ANKRD45: variants seen among roughly 807,000 people sequenced by gnomAD.
ANKRD45 encodes the protein ankyrin repeat domain 45, also known as ankyrin repeat domain-containing protein 45.
ANKRD45 carries 21 observed loss-of-function variants against 28.1 expected under a neutral mutation model. The observed-to-expected ratio is 0.75, with a 90% CI of 0.53 to 1.08. The LOEUF is 1.08. ANKRD45 is among the 50% of genes least tolerant of loss of function. The pLI, the probability that ANKRD45 is intolerant of heterozygous loss-of-function variation, is 0.00. For missense variants in ANKRD45, 261 were observed against 308.7 expected (o/e 0.85, Z 1.16); for synonymous variants, 86 against 103.9 (o/e 0.83, Z 1.05).
chr1:173,636,305 G>A (rs1048546180), intron 3 of ANKRD45, among the ~76,000 whole-genome samples: 19 of 152,076 alleles, frequency 1.2e-4, no homozygotes, highest in Non-Finnish European at 2.1e-4. Context: ...GCTAATATTA[G>A]AACAACTTTC....
chr1:173,691,288 C>G, the ANKRD45 span, among the ~76,000 whole-genome samples: 4,868 of 152,232 alleles, frequency 0.032, 116 homozygotes, highest in Non-Finnish European at 0.045. Context: ...ATTCCTCGCA[C>G]TGGGTGGGTC....
At chr1:173,680,155 GA>G in the ANKRD45 span, among the ~76,000 whole-genome samples, 13 of 152,200 alleles carry the variant, frequency 8.5e-5, no homozygotes, top group Non-Finnish European at 1.0e-4. Flanking sequence ...TCTAGAACTA[GA>G]AATGTCATTT....
At chr1:173,625,612 A>C (rs1667899350) in intron 4 of ANKRD45, among the ~76,000 whole-genome samples, 1 of 152,216 alleles carries the variant, frequency 6.6e-6, no homozygotes, top group African/African-American at 2.4e-5. Flanking sequence ...ATACTGTTAA[A>C]TAATAAGCAG....
At chr1:173,687,902 G>A in the ANKRD45 span, among the ~76,000 whole-genome samples, 1 of 152,018 alleles carries the variant, frequency 6.6e-6, no homozygotes, top group Non-Finnish European at 1.5e-5. Flanking sequence ...AGGTCTGGTC[G>A]GACCTTTGTG....
upstream of ANKRD45, among the ~76,000 whole-genome samples, chr1:173,674,408 A>G (rs6690869): frequency 0.17 from 25,823 of 151,840 alleles, 7,330 homozygotes; most frequent in African/African-American, 0.59. Context: ...TGAGACAGGT[A>G]TCAGTTGATT....
At chr1:173,702,947 A>C in the ANKRD45 span, among the ~76,000 whole-genome samples, 11 of 151,874 alleles carry the variant, frequency 7.2e-5, no homozygotes, top group Non-Finnish European at 1.3e-4. Context: ...GCTTGTCTGG[A>C]ATTCCTGGCC....
At chr1:173,626,580 T>C (rs1255697043) in intron 4 of ANKRD45, among the ~76,000 whole-genome samples, 4 of 152,156 alleles carry the variant, frequency 2.6e-5, no homozygotes, top group South Asian at 2.1e-4. Context: ...ACCAGAACAC[T>C]ACCAGTACTA....
chr1:173,704,194 T>C, the ANKRD45 span, among the ~76,000 whole-genome samples: 5 of 152,232 alleles, frequency 3.3e-5, no homozygotes, highest in East Asian at 9.7e-4. Context: ...TCAGGGAAAT[T>C]TGGGAATTAA....
the ANKRD45 span, among the ~76,000 whole-genome samples, chr1:173,700,381 A>G: frequency 2.6e-5 from 4 of 152,244 alleles, no homozygotes; most frequent in African/African-American, 7.2e-5. Flanking sequence ...CTAAGCCAAA[A>G]GAACAAAGCT....
upstream of ANKRD45, among the ~76,000 whole-genome samples, chr1:173,674,800 T>G (rs1384044821): frequency 6.6e-6 from 1 of 152,198 alleles, no homozygotes; most frequent in Non-Finnish European, 1.5e-5. Context: ...CCAGCTTGAC[T>G]TTTCCCTTTA....
the ANKRD45 span, among the ~76,000 whole-genome samples, chr1:173,707,355 C>G: frequency 3.3e-5 from 5 of 149,798 alleles, no homozygotes; most frequent in South Asian, 8.4e-4. Flanking sequence ...TTTTTTTAGA[C>G]AAAGCCTTGC....
chr1:173,689,148 T>A, the ANKRD45 span, among the ~76,000 whole-genome samples: 23 of 152,176 alleles, frequency 1.5e-4, no homozygotes, highest in Admixed American at 1.4e-3. Context: ...CTTTCTTAGT[T>A]CAGGACATCC....
At position 173,610,139 on chromosome 1, in the gene ANKRD45, G is replaced by GT. The variant is rs1417794727; in HGVS notation, c.*5dup. On this transcript the variant is annotated 3_prime_UTR_variant, in exon 6 of 6. Transcript: ENST00000333279. ...AAGAAAATGTGGCCTTTTACAGAACGTATGTTCAGTTGGAGGTATCATCTT... is the reference window on the plus strand; with the variant it reads ...AAGAAAATGTGGCCTTTTACAGAACGTTATGTTCAGTTGGAGGTATCATCTT... 1 of 1,613,244 alleles carries GT rather than the reference G, an allele frequency of 6.2e-7. No homozygotes were observed. Among genetic ancestry groups the GT allele is most frequent in the Non-Finnish European group, 8.5e-7 (1 of 1,179,414 alleles).
At chr1:173,621,784 A>G (rs900940706) in intron 5 of ANKRD45, among the ~76,000 whole-genome samples, 1 of 152,202 alleles carries the variant, frequency 6.6e-6, no homozygotes, top group Non-Finnish European at 1.5e-5. Flanking sequence ...CCTATTCGAC[A>G]TAGTATTGGA....
At chr1:173,628,866 A>T (rs1333066539) in intron 3 of ANKRD45, among the ~76,000 whole-genome samples, 1 of 152,200 alleles carries the variant, frequency 6.6e-6, no homozygotes, top group Non-Finnish European at 1.5e-5. Flanking sequence ...GACCCAGGGC[A>T]GTCCTAGTGG....
the ANKRD45 span, among the ~76,000 whole-genome samples, chr1:173,682,652 GGA>G: frequency 6.8e-6 from 1 of 146,368 alleles, no homozygotes; most frequent in Non-Finnish European, 1.5e-5. Context: ...CGAGGTTCTA[GGA>G]GAGGGAAAAA....
chr1:173,645,515 T>TG (rs1490990397), intron 3 of ANKRD45, among the ~76,000 whole-genome samples: 2 of 152,234 alleles, frequency 1.3e-5, no homozygotes, highest in Non-Finnish European at 2.9e-5. Context: ...CCACAAAAGG[T>TG]GGGAACTATA....
chr1:173,635,371 C>T (rs897708287), intron 3 of ANKRD45: 2 of 640,642 alleles, frequency 3.1e-6, no homozygotes, highest in African/African-American at 3.7e-5. Flanking sequence ...ATATGAAGTG[C>T]TTTTATTGAA....
intron 5 of ANKRD45, among the ~76,000 whole-genome samples, chr1:173,618,080 C>A (rs770749964): frequency 6.6e-6 from 1 of 152,202 alleles, no homozygotes; most frequent in East Asian, 1.9e-4. Context: ...GAAAAACACA[C>A]AAACAGAAAG....
Sources: allele counts gnomAD v4.1 joint callset (sites outside exome capture counted in the v4.1 genomes callset), GRCh38; gene constraint gnomAD v4.1.1; transcripts MANE v1.5; gene names NCBI Gene and HGNC (gene_info 2026-07-23, HGNC 2026-07-21).